WWOX: variants seen among roughly 807,000 people sequenced by gnomAD.
WWOX encodes WW domain-containing oxidoreductase.
Under a neutral mutation model 46.2 loss-of-function variants are expected in WWOX, and 69 were observed. That is an observed-to-expected ratio of 1.49 (90% CI 1.23 to 1.82). The LOEUF is 1.82. Ranked by LOEUF, WWOX falls within the 40% of genes most tolerant of loss-of-function variation. The pLI, the probability that WWOX is intolerant of heterozygous loss-of-function variation, is 0.00. For synonymous variants in WWOX, 359 were observed against 202.6 expected (o/e 1.77, Z -6.56); for missense variants, 919 against 542.6 (o/e 1.69, Z -6.89).
At position 78,528,956 on chromosome 16, in the gene WWOX, CTTTCT is replaced by C. The variant is rs201610641; in HGVS notation, c.1056+96208_1056+96212del. Among the ~76,000 whole-genome samples the C allele has an allele frequency of 6.0e-3, 852 of 141,504 alleles. 1 individual carries two copies. The highest frequency in any genetic ancestry group is 0.015 in the Admixed American group (217 of 14,092). 92.8% of individuals were successfully genotyped at this position (141,504 alleles called of 152,430 possible). On this transcript the variant is annotated intron_variant, in intron 8 of 8. Transcript: ENST00000566780. ...CCTTTTTCTTTTCTTTTCTTTCTTT[CTTTCT>C]TTTTTTTTTTTAGGGAGGGTCTGGC...
chr16:78,852,691 A>G (rs576827165), intron 8 of WWOX, among the ~76,000 whole-genome samples: 1 of 152,328 alleles, frequency 6.6e-6, no homozygotes, highest in East Asian at 1.9e-4. Flanking sequence ...GTAATTTGCT[A>G]CACACCAATA....
chr16:78,424,934 G>A lies in WWOX; in HGVS notation c.670G>A (p.Gly224Ser), dbSNP rs1349025177. The change falls in exon 7 of 9, where the codon GGC becomes AGC. Residue 224 changes from glycine (G) to serine (S), a missense_variant. Gly to Ser is a moderately conservative substitution (Grantham distance 56). Coordinates refer to ENST00000566780, the MANE Select transcript of WWOX (RefSeq NM_016373.4). Reference sequence around the variant, plus strand: ...TCTACCCTGGAGTCTCACCAAAGATGGCCTGGAGACCACCTTTCAAGTGAA... The same window carrying A: ...TCTACCCTGGAGTCTCACCAAAGATAGCCTGGAGACCACCTTTCAAGTGAA... ...FALPWSLTKD[G>S]LETTFQVNHL... 1.2e-6 allele frequency: 2 copies of A among 1,614,020 alleles called. No individual in the cohort carries two copies. The highest frequency in any genetic ancestry group is 2.7e-5 in the African/African-American group (2 of 74,906).
At chr16:78,110,554 A>C (rs951020269) in intron 3 of WWOX, among the ~76,000 whole-genome samples, 4 of 152,132 alleles carry the variant, frequency 2.6e-5, no homozygotes, top group African/African-American at 7.2e-5. Flanking sequence ...GTTATAGAGA[A>C]CCTATAATTA....
At chr16:78,110,724 C>A (rs797018992) in intron 3 of WWOX, among the ~76,000 whole-genome samples, 10 of 152,246 alleles carry the variant, frequency 6.6e-5, no homozygotes, top group African/African-American at 2.2e-4. Context: ...AGCATTAGGT[C>A]ATTGGATCCC....
chr16:79,066,698 C>G (rs2048448267), intron 8 of WWOX, among the ~76,000 whole-genome samples: 1 of 152,244 alleles, frequency 6.6e-6, no homozygotes, highest in African/African-American at 2.4e-5. Flanking sequence ...TTCTCAGGCT[C>G]TGTGCCATGA....
chr16:78,154,874 A>T (rs891255823), intron 4 of WWOX, among the ~76,000 whole-genome samples: 3 of 152,146 alleles, frequency 2.0e-5, no homozygotes, highest in African/African-American at 7.2e-5. Flanking sequence ...GTAAGGCTTG[A>T]GTCATGTCTG....
rs141715961 is a variant in WWOX, at chr16:78,250,223, C to T, written c.516+85934C>T. On this transcript the variant is annotated intron_variant, in intron 5 of 8. Coordinates refer to ENST00000566780, the MANE Select transcript of WWOX (RefSeq NM_016373.4). The stretch of plus-strand genomic sequence containing the variant: ...CACACAGATCATTTCTTTAGCACAA[C>T]GTCTATCTGGCACATTAGCGAGAGC... 1.4e-4 allele frequency among the ~76,000 whole-genome samples: 22 copies of T among 152,304 alleles called. No homozygotes were observed. In the East Asian group the frequency reaches 3.1e-3, roughly 21 times the overall value.
At chr16:78,893,632 T>A (rs2044638379) in intron 8 of WWOX, among the ~76,000 whole-genome samples, 1 of 152,216 alleles carries the variant, frequency 6.6e-6, no homozygotes. Context: ...TCATGTATTG[T>A]TGTTTTCTTC....
intron 8 of WWOX, among the ~76,000 whole-genome samples, chr16:78,436,360 C>T (rs1169201124): frequency 6.6e-6 from 1 of 152,178 alleles, no homozygotes; most frequent in African/African-American, 2.4e-5. Flanking sequence ...ACCTGCACGT[C>T]TCATTTGTGA....
intron 8 of WWOX, among the ~76,000 whole-genome samples, chr16:78,681,566 A>G (rs1048948575): frequency 4.6e-5 from 7 of 151,784 alleles, no homozygotes; most frequent in Admixed American, 1.3e-4. Context: ...AAAAGGAAAA[A>G]GGGAAGAAGC....
At chr16:78,790,257 C>T (rs942907657) in intron 8 of WWOX, among the ~76,000 whole-genome samples, 1 of 152,104 alleles carries the variant, frequency 6.6e-6, no homozygotes, top group African/African-American at 2.4e-5. Flanking sequence ...GCCTCAGCCT[C>T]CCTAGTAGCT....
intron 8 of WWOX, among the ~76,000 whole-genome samples, chr16:78,712,569 A>T (rs369269389): frequency 5.3e-5 from 8 of 152,178 alleles, no homozygotes; most frequent in African/African-American, 1.9e-4. Context: ...GGATTGTGTG[A>T]TGCTCATTTT....
At chr16:78,698,495 C>T (rs973990126) in intron 8 of WWOX, among the ~76,000 whole-genome samples, 10 of 152,146 alleles carry the variant, frequency 6.6e-5, no homozygotes, top group Admixed American at 2.0e-4. Context: ...TGTTTACAAA[C>T]CTGACAAATT....
intron 8 of WWOX, among the ~76,000 whole-genome samples, chr16:78,726,000 T>C (rs12149528): frequency 0.011 from 1,645 of 151,142 alleles, 13 homozygotes; most frequent in South Asian, 0.031. Flanking sequence ...TCCTTCTCCT[T>C]CTTCTTCTCT....
chr16:78,127,863 G>T (rs2033426204), intron 4 of WWOX, among the ~76,000 whole-genome samples: 1 of 152,188 alleles, frequency 6.6e-6, no homozygotes, highest in Admixed American at 6.5e-5. Context: ...GGTAGGAAGA[G>T]AGCTGTAATT....
chr16:78,297,945 G>A (rs1027783738), intron 5 of WWOX, among the ~76,000 whole-genome samples: 4 of 152,250 alleles, frequency 2.6e-5, no homozygotes, highest in Non-Finnish European at 4.4e-5. Flanking sequence ...CTAGGGGGAG[G>A]GACCTCGTGG....
In WWOX at chr16:78,135,777, G is replaced by A. The variant is rs557097842; in HGVS notation, c.409+20623G>A. ...ATAATAGCAGGGAAAATGACATGTCGATCTGTGATTCCTTTTTTACTTGTC... is the reference window on the plus strand; with the variant it reads ...ATAATAGCAGGGAAAATGACATGTCAATCTGTGATTCCTTTTTTACTTGTC... On this transcript the variant is annotated intron_variant, in intron 4 of 8. Transcript: ENST00000566780. Among the ~76,000 whole-genome samples, 19 of 152,142 alleles carry A rather than the reference G, an allele frequency of 1.2e-4. No homozygotes were observed. The South Asian group carries it at 3.1e-3, about 25-fold the overall frequency.
intron 4 of WWOX, among the ~76,000 whole-genome samples, chr16:78,162,139 T>G (rs947148051): frequency 6.6e-6 from 1 of 152,198 alleles, no homozygotes; most frequent in Non-Finnish European, 1.5e-5. Context: ...CTAGGTGTAG[T>G]GTAGGTGACA....
chr16:79,185,119 T>C lies in WWOX; in HGVS notation c.1057-26489T>C, dbSNP rs139037002. ...GGATGAATTTTACTGAACTATTGAA[T>C]TGAGAATGGCTGAGGGGGAGAGGCC... On this transcript the variant is annotated intron_variant, in intron 8 of 8. Coordinates refer to ENST00000566780, the MANE Select transcript of WWOX (RefSeq NM_016373.4). Among the ~76,000 whole-genome samples the C allele has an allele frequency of 3.1e-3, 473 of 152,322 alleles. 1 individual carries two copies. Among genetic ancestry groups the C allele is most frequent in the Non-Finnish European group, 4.5e-3 (305 of 68,030 alleles).
Sources: allele counts gnomAD v4.1 joint callset (sites outside exome capture counted in the v4.1 genomes callset), GRCh38; gene constraint gnomAD v4.1.1; transcripts MANE v1.5; gene names NCBI Gene and HGNC (gene_info 2026-07-23, HGNC 2026-07-21).